The following SH3RF3 variants were observed in gnomAD, a reference collection of about 807,000 sequenced individuals.
SH3RF3 encodes the protein E3 ubiquitin-protein ligase SH3RF3.
A neutral mutation model predicts 66.3 loss-of-function variants in SH3RF3; 29 were observed. That is an observed-to-expected ratio of 0.44 (90% CI 0.33 to 0.60). The LOEUF (loss-of-function observed/expected upper bound fraction) is 0.60, where lower values mean the gene tolerates loss of function less well. Among genes scored for constraint, SH3RF3 ranks in the 20% least tolerant of loss-of-function variants. SH3RF3 has a pLI of 0.04. For synonymous variants in SH3RF3, 583 were observed against 532.0 expected (o/e 1.10, Z -1.32); for missense variants, 1,194 against 1,190.9 (o/e 1.00, Z -0.04).
intron 1 of SH3RF3, among the ~76,000 whole-genome samples, chr2:109,165,768 A>G (rs901678913): frequency 6.6e-6 from 1 of 151,960 alleles, no homozygotes; most frequent in Non-Finnish European, 1.5e-5. Flanking sequence ...TTTTTTAGTT[A>G]CTTAAGAATC....
intron 1 of SH3RF3, among the ~76,000 whole-genome samples, chr2:109,325,032 T>C (rs1682117811): frequency 1.4e-5 from 2 of 137,962 alleles, no homozygotes; most frequent in East Asian, 1.9e-4. Context: ...GAGATGTTTT[T>C]AAAATGTGTG....
intron 3 of SH3RF3, among the ~76,000 whole-genome samples, chr2:109,382,641 A>G (rs769305426): frequency 6.6e-6 from 1 of 152,098 alleles, no homozygotes; most frequent in African/African-American, 2.4e-5. Flanking sequence ...CACATCTTCA[A>G]ATCCTTCTGG....
chr2:109,395,829 A>G (rs912918218), intron 3 of SH3RF3, among the ~76,000 whole-genome samples: 4 of 152,132 alleles, frequency 2.6e-5, no homozygotes, highest in African/African-American at 9.7e-5. Context: ...TCAGGGCCCC[A>G]TCTCTTCTGG....
rs547712103 is a variant in SH3RF3 at position 109,381,060 on chromosome 2, C to T, written c.945+9379C>T. Reference sequence around the variant, plus strand: ...AAATTGTGTGTCAGGAAGAGGGCTTCCTCCACGGGTCTACCAAGTGGTCTA... The same window carrying T: ...AAATTGTGTGTCAGGAAGAGGGCTTTCTCCACGGGTCTACCAAGTGGTCTA... On this transcript the variant is annotated intron_variant, in intron 3 of 9. Transcript: ENST00000309415. Among the ~76,000 whole-genome samples the T allele has an allele frequency of 2.0e-5, 3 of 152,344 alleles. No homozygotes were observed. In the South Asian group the frequency reaches 6.2e-4, roughly 32 times the overall value.
chr2:109,325,105 C>T (rs1445971328), intron 1 of SH3RF3, among the ~76,000 whole-genome samples: 1 of 152,030 alleles, frequency 6.6e-6, no homozygotes, highest in Non-Finnish European at 1.5e-5. Flanking sequence ...CTGACAAGGC[C>T]CAAGAGGTCA....
At chr2:109,167,166 T>C (rs1677648770) in intron 1 of SH3RF3, among the ~76,000 whole-genome samples, 1 of 152,360 alleles carries the variant, frequency 6.6e-6, no homozygotes, top group African/African-American at 2.4e-5. Flanking sequence ...GGGATTTCAT[T>C]TTTCCATTTT....
intron 1 of SH3RF3, among the ~76,000 whole-genome samples, chr2:109,163,010 G>A (rs1270348301): frequency 3.3e-5 from 5 of 152,186 alleles, no homozygotes; most frequent in Non-Finnish European, 5.9e-5. Flanking sequence ...TTGATTTGGA[G>A]GGAAAAGTCC....
At chr2:109,209,503 G>A (rs1037106829) in intron 1 of SH3RF3, among the ~76,000 whole-genome samples, 2 of 152,140 alleles carry the variant, frequency 1.3e-5, no homozygotes, top group African/African-American at 4.8e-5. Context: ...GAGCAGGCCT[G>A]GGTACAGCAA....
At chr2:109,289,087 G>A (rs1227402930) in intron 1 of SH3RF3, among the ~76,000 whole-genome samples, 1 of 152,132 alleles carries the variant, frequency 6.6e-6, no homozygotes, top group Non-Finnish European at 1.5e-5. Context: ...CTGAGGAGCT[G>A]GCGTTATAAA....
intron 1 of SH3RF3, among the ~76,000 whole-genome samples, chr2:109,170,244 T>TTTCTC (rs1206279912): frequency 0.034 from 1,115 of 32,652 alleles, 18 homozygotes; most frequent in Non-Finnish European, 0.054. Flanking sequence ...CTTCTTTTCT[T>TTTCTC]TTCTCTTCTC....
At chr2:109,339,226 A>G (rs1031251188) in intron 1 of SH3RF3, among the ~76,000 whole-genome samples, 1 of 149,920 alleles carries the variant, frequency 6.7e-6, no homozygotes, top group Non-Finnish European at 1.5e-5. Context: ...AAATCCACGT[A>G]TAAGTAGACC....
intron 8 of SH3RF3, among the ~76,000 whole-genome samples, chr2:109,482,719 A>G (rs35935106): frequency 0.59 from 89,966 of 151,724 alleles, 26,946 homozygotes; most frequent in African/African-American, 0.63. Flanking sequence ...CCCTGCCTGC[A>G]CCTCCGGCTG....
chr2:109,429,735 G>C (rs1006134863), intron 5 of SH3RF3, among the ~76,000 whole-genome samples: 2 of 152,088 alleles, frequency 1.3e-5, no homozygotes, highest in Non-Finnish European at 2.9e-5. Flanking sequence ...CCATCCCCTC[G>C]AGCTTTTGTG....
intron 3 of SH3RF3, among the ~76,000 whole-genome samples, chr2:109,372,639 G>C (rs6726668): frequency 0.27 from 40,872 of 152,198 alleles, 6,824 homozygotes; most frequent in Non-Finnish European, 0.38. Context: ...CACAGCCGAG[G>C]AGTGGCAGAA....
intron 1 of SH3RF3, among the ~76,000 whole-genome samples, chr2:109,135,313 A>C (rs1009687994): frequency 1.3e-5 from 2 of 152,154 alleles, no homozygotes; most frequent in African/African-American, 4.8e-5. Context: ...CTCCCCCAGG[A>C]CACGTGGAAG....
chr2:109,437,109 G>A lies in SH3RF3; in HGVS notation c.1791G>A (p.Gln597=). 1 of 1,612,832 alleles carries A rather than the reference G, an allele frequency of 6.2e-7. No homozygotes were observed. Among genetic ancestry groups the A allele is most frequent in the South Asian group, 1.1e-5 (1 of 91,002 alleles). Residue 597 remains glutamine, a synonymous_variant, in exon 7 of 10, where the codon CAG becomes CAA. Transcript: ENST00000309415. ...GCAGCTGTCTACGGCACTCAGCCCA[G>A]CCAACGGCCAGCCAAGCCCGGAGCA... is the stretch of plus-strand genomic sequence containing the variant. ...PTGSCLRHSA[Q]PTASQARSTI...
chr2:109,208,047 C>T (rs11694496), intron 1 of SH3RF3, among the ~76,000 whole-genome samples: 108,431 of 152,152 alleles, frequency 0.71, 38,907 homozygotes, highest in East Asian at 0.89. Flanking sequence ...TTGTTAAATT[C>T]AACAATTCTG....
chr2:109,149,226 C>G (rs1401566997), intron 1 of SH3RF3, among the ~76,000 whole-genome samples: 1 of 152,100 alleles, frequency 6.6e-6, no homozygotes, highest in East Asian at 1.9e-4. Context: ...TGCTTTTATT[C>G]GGACTTCTCT....
intron 1 of SH3RF3, among the ~76,000 whole-genome samples, chr2:109,340,225 C>G (rs1682529171): frequency 6.6e-6 from 1 of 152,134 alleles, no homozygotes; most frequent in Admixed American, 6.5e-5. Flanking sequence ...GTTACTGGAC[C>G]TCACTGTGCT....
Sources: allele counts gnomAD v4.1 joint callset (sites outside exome capture counted in the v4.1 genomes callset), GRCh38; gene constraint gnomAD v4.1.1; transcripts MANE v1.5; gene names NCBI Gene and HGNC (gene_info 2026-07-23, HGNC 2026-07-21).